Variants in KIRREL3 observed in about 807,000 individuals in gnomAD.
KIRREL3 encodes the protein kin of IRRE-like protein 3.
Under a neutral mutation model 89.7 loss-of-function variants are expected in KIRREL3, and 36 were observed. The observed-to-expected ratio is 0.40, with a 90% CI of 0.31 to 0.53. KIRREL3 has a LOEUF of 0.53. Ranked by LOEUF, KIRREL3 falls within the 20% of genes least tolerant of loss-of-function variation. The pLI, the probability that KIRREL3 is intolerant of heterozygous loss-of-function variation, is 0.49. For synonymous variants in KIRREL3, 445 were observed against 441.4 expected (o/e 1.01, Z -0.10); for missense variants, 864 against 1,056.6 (o/e 0.82, Z 2.53).
At position 126,978,754 on chromosome 11, in the gene KIRREL3, C is replaced by A. The variant is rs1194360431; in HGVS notation, c.55+21701G>T. 2.0e-5 allele frequency among the ~76,000 whole-genome samples: 3 copies of A among 152,146 alleles called. No individual in the cohort carries two copies. The highest frequency in any genetic ancestry group is 4.4e-5 in the Non-Finnish European group (3 of 68,030). On this transcript the variant is annotated intron_variant, in intron 1 of 16. Transcript: ENST00000525144. The surrounding 1 kb of genome is among the most constrained non-coding windows in gnomAD (Gnocchi z 4.2). Reference sequence around the variant, plus strand: ...GGGAGTTTCTCTGAGCTCTGTTCCCCCAAGGTGGGCTAGGCAACCCTAGTG... The same window carrying A: ...GGGAGTTTCTCTGAGCTCTGTTCCCACAAGGTGGGCTAGGCAACCCTAGTG...
rs189738218 is a variant in KIRREL3, at chr11:126,677,589, C to A, written c.56-114677G>T. Among the ~76,000 whole-genome samples, 1 of 152,272 alleles carries A rather than the reference C, an allele frequency of 6.6e-6. No individual in the cohort carries two copies. Among genetic ancestry groups the A allele is most frequent in the East Asian group, 1.9e-4 (1 of 5,166 alleles). ...GAAGCACGCTGAACAGGGAGGGGCA[C>A]CCAGCTCTGTCTGGCTGCATTCGCT... On this transcript the variant is annotated intron_variant, in intron 1 of 16. Coordinates refer to ENST00000525144, the MANE Select transcript of KIRREL3 (RefSeq NM_032531.4). This position sits in a 1 kb window ranked among gnomAD's most constrained non-coding sequence, Gnocchi z 5.1.
At chr11:126,701,136 A>G (rs950677172) in intron 1 of KIRREL3, among the ~76,000 whole-genome samples, 4 of 152,234 alleles carry the variant, frequency 2.6e-5, no homozygotes, top group African/African-American at 4.8e-5. Flanking sequence ...ATGCATTTCA[A>G]TCACTTTGCA....
intron 1 of KIRREL3, among the ~76,000 whole-genome samples, chr11:126,671,726 A>T (rs750240059): frequency 1.3e-5 from 2 of 151,990 alleles, no homozygotes; most frequent in African/African-American, 4.8e-5. Context: ...TAAAATTACA[A>T]CATACCTCTA....
At chr11:126,758,656 T>C (rs1949579530) in intron 1 of KIRREL3, among the ~76,000 whole-genome samples, 1 of 152,240 alleles carries the variant, frequency 6.6e-6, no homozygotes, top group Non-Finnish European at 1.5e-5. Flanking sequence ...CCCAAAATGC[T>C]AATCACTTAC....
At position 126,608,046 on chromosome 11, in the gene KIRREL3, C is replaced by A. The variant is rs1185659998; in HGVS notation, c.56-45134G>T. 2.6e-5 allele frequency among the ~76,000 whole-genome samples: 4 copies of A among 152,190 alleles called. No individual in the cohort carries two copies. In the East Asian group the frequency reaches 7.7e-4, roughly 29 times the overall value. ...GCCTGCCGTGCTGTCTCTTACCAAC[C>A]CAGGAGGGAGGGTTGGTGGCTGCTG... On this transcript the variant is annotated intron_variant, in intron 1 of 16. Transcript: ENST00000525144. The surrounding 1 kb of genome is among the most constrained non-coding windows in gnomAD (Gnocchi z 4.9).
chr11:126,708,746 C>A lies in KIRREL3; in HGVS notation c.56-145834G>T, dbSNP rs2134137979. 6.6e-6 allele frequency among the ~76,000 whole-genome samples: 1 copy of A among 152,334 alleles called. No individual in the cohort carries two copies. Among genetic ancestry groups the A allele is most frequent in the East Asian group, 1.9e-4 (1 of 5,182 alleles). The stretch of plus-strand genomic sequence containing the variant: ...GGCCCTCCCGCACATTCAGCATGAT[C>A]TCTGAGGAGTTCACTAGCTTTCCTC... On this transcript the variant is annotated intron_variant, in intron 1 of 16. Transcript: ENST00000525144. The surrounding 1 kb of genome is among the most constrained non-coding windows in gnomAD (Gnocchi z 5.7).
chr11:126,762,204 CAAAT>C (rs993418573), intron 1 of KIRREL3, among the ~76,000 whole-genome samples: 3 of 150,070 alleles, frequency 2.0e-5, no homozygotes, highest in Admixed American at 2.0e-4. Flanking sequence ...AACAAACAAA[CAAAT>C]AAATAAAGTC....
At chr11:126,880,554 T>C (rs1329881921) in intron 1 of KIRREL3, among the ~76,000 whole-genome samples, 1 of 152,056 alleles carries the variant, frequency 6.6e-6, no homozygotes, top group African/African-American at 2.4e-5. Flanking sequence ...AGCATGGATA[T>C]AAATATAAGA....
chr11:126,778,245 C>A lies in KIRREL3; in HGVS notation c.56-215333G>T, dbSNP rs1946052. The stretch of plus-strand genomic sequence containing the variant: ...ATTAAAATGGGATCATATTATACAC[C>A]TTGTTCTGTATCTTGCTTCTTCACT... On this transcript the variant is annotated intron_variant, in intron 1 of 16. Transcript: ENST00000525144. This position sits in a 1 kb window ranked among gnomAD's most constrained non-coding sequence, Gnocchi z 4.5. Among the ~76,000 whole-genome samples the A allele has an allele frequency of 6.6e-6, 1 of 152,068 alleles. No homozygotes were observed. The highest frequency in any genetic ancestry group is 1.9e-4 in the East Asian group (1 of 5,184).
chr11:126,680,159 A>C (rs1274755356), intron 1 of KIRREL3, among the ~76,000 whole-genome samples: 5 of 152,200 alleles, frequency 3.3e-5, no homozygotes, highest in Admixed American at 3.3e-4. Flanking sequence ...GGAGGTGCCT[A>C]GTCAGTGCTG....
intron 7 of KIRREL3, among the ~76,000 whole-genome samples, chr11:126,451,755 G>C (rs139297451): frequency 1.4e-4 from 22 of 152,330 alleles, no homozygotes; most frequent in African/African-American, 4.6e-4. Context: ...CTTCCTTACG[G>C]ATCTCCAGGG....
At position 126,522,408 on chromosome 11, in the gene KIRREL3, C is replaced by A. The variant is rs1038383337; in HGVS notation, c.284-944G>T. On this transcript the variant is annotated intron_variant, in intron 3 of 16. Transcript: ENST00000525144. The surrounding 1 kb of genome is among the most constrained non-coding windows in gnomAD (Gnocchi z 6.0). Reference sequence around the variant, plus strand: ...GGCCCGCCCTTCCAGTGTCTAGGAACCTTGGGTCACTTTGAGTCACAGTGG... The same window carrying A: ...GGCCCGCCCTTCCAGTGTCTAGGAAACTTGGGTCACTTTGAGTCACAGTGG... Among the ~76,000 whole-genome samples the A allele has an allele frequency of 6.6e-6, 1 of 152,202 alleles. No homozygotes were observed. The highest frequency in any genetic ancestry group is 2.4e-5 in the African/African-American group (1 of 41,454).
chr11:126,482,507 T>G (rs905481226), intron 4 of KIRREL3, among the ~76,000 whole-genome samples: 2 of 152,220 alleles, frequency 1.3e-5, no homozygotes, highest in Non-Finnish European at 2.9e-5. Flanking sequence ...ATTCACTGTA[T>G]AGTTGCCAGG....
chr11:126,536,719 A>G (rs1937921170), intron 2 of KIRREL3, among the ~76,000 whole-genome samples: 1 of 139,266 alleles, frequency 7.2e-6, no homozygotes, highest in Non-Finnish European at 1.5e-5. Context: ...TCTCGGCTTC[A>G]GCGCAACCTC....
rs1465729185 is a variant in KIRREL3, at chr11:126,522,287, A to T, written c.284-823T>A. 1.3e-5 allele frequency among the ~76,000 whole-genome samples: 2 copies of T among 152,158 alleles called. No individual in the cohort carries two copies. The highest frequency in any genetic ancestry group is 3.9e-4 in the East Asian group (2 of 5,188). On this transcript the variant is annotated intron_variant, in intron 3 of 16. Coordinates refer to ENST00000525144, the MANE Select transcript of KIRREL3 (RefSeq NM_032531.4). This position sits in a 1 kb window ranked among gnomAD's most constrained non-coding sequence, Gnocchi z 6.0. ...TGAGAATTACAGAGAGAAGACAGTC[A>T]GAGAGAGAAGGAAGGAAAAAGAGAA...
In KIRREL3 at chr11:126,860,827, C is replaced by T. The variant is rs188071187; in HGVS notation, c.55+139628G>A. Among the ~76,000 whole-genome samples, 147 of 152,206 alleles carry T rather than the reference C, an allele frequency of 9.7e-4. 1 individual carries two copies. Among genetic ancestry groups the T allele is most frequent in the Middle Eastern group, 3.4e-3 (1 of 292 alleles). On this transcript the variant is annotated intron_variant, in intron 1 of 16. Coordinates refer to ENST00000525144, the MANE Select transcript of KIRREL3 (RefSeq NM_032531.4). This position sits in a 1 kb window ranked among gnomAD's most constrained non-coding sequence, Gnocchi z 4.6. ...AGAGGTACAAATGCAAGATGGCACC[C>T]GTGGACACATTGAAAGTTTAGTGAT...
intron 11 of KIRREL3, among the ~76,000 whole-genome samples, chr11:126,437,364 C>G (rs571389570): frequency 1.1e-3 from 160 of 149,792 alleles, no homozygotes; most frequent in African/African-American, 3.8e-3. Flanking sequence ...AATGTGTACA[C>G]ACAGCTCTGC....
chr11:126,524,738 G>A (rs1958697265), intron 3 of KIRREL3, among the ~76,000 whole-genome samples: 1 of 152,196 alleles, frequency 6.6e-6, no homozygotes, highest in Non-Finnish European at 1.5e-5. Context: ...GTAGCAGGCT[G>A]AAATCCCACA....
Position 126,976,853 on chromosome 11 carries a change from A to G in KIRREL3, c.55+23602T>C, listed in dbSNP as rs955627193. On this transcript the variant is annotated intron_variant, in intron 1 of 16. Transcript: ENST00000525144. This position sits in a 1 kb window ranked among gnomAD's most constrained non-coding sequence, Gnocchi z 4.2. ...TACTTCACGGTGGAGCTAGGCACTT[A>G]ATCCTTGATCTGGGTGACTCTAAAC... Among the ~76,000 whole-genome samples the G allele has an allele frequency of 5.3e-5, 8 of 152,128 alleles. No homozygotes were observed. Among genetic ancestry groups the G allele is most frequent in the Non-Finnish European group, 1.2e-4 (8 of 68,014 alleles).
Sources: gnomAD v4.1 joint callset for allele counts (sites outside exome capture counted in the v4.1 genomes callset) on GRCh38, gnomAD v4.1.1 for gene constraint, Gnocchi (gnomAD v3.1) non-coding constraint, MANE v1.5 for transcripts, NCBI Gene and HGNC (gene_info 2026-07-23, HGNC 2026-07-21) for gene names.